The following KCNB2 variants were observed in gnomAD, a reference collection of about 807,000 sequenced individuals.
The protein encoded by KCNB2 is potassium voltage-gated channel subfamily B member 2.
Under a neutral mutation model 61.5 loss-of-function variants are expected in KCNB2, and 15 were observed. The observed-to-expected ratio is 0.24, with a 90% confidence interval of 0.16 to 0.38. KCNB2 has a LOEUF of 0.38. Among genes scored for constraint, KCNB2 ranks in the 10% least tolerant of loss-of-function variants. The probability of loss-of-function intolerance (pLI) is 1.00; values close to 1 mark genes in which losing one functional copy is unlikely to be tolerated. For missense variants in KCNB2, 828 were observed against 1,125.2 expected (o/e 0.74, Z 3.78); for synonymous variants, 457 against 446.0 (o/e 1.02, Z -0.31).
At chr8:72,725,557 G>GTATGTATA (rs1807625235) in intron 2 of KCNB2, among the ~76,000 whole-genome samples, 1 of 55,018 alleles carries the variant, frequency 1.8e-5, no homozygotes, top group African/African-American at 6.0e-5. Flanking sequence ...ATATATATAT[G>GTATGTATA]TATATATGTA....
chr8:72,572,585 T>C (rs577691277), intron 2 of KCNB2, among the ~76,000 whole-genome samples: 2 of 151,374 alleles, frequency 1.3e-5, no homozygotes, highest in African/African-American at 2.4e-5. Flanking sequence ...TCTCTCTCTC[T>C]CTCACACAGA....
chr8:72,605,903 T>C (rs1239492392), intron 2 of KCNB2, among the ~76,000 whole-genome samples: 1 of 151,420 alleles, frequency 6.6e-6, no homozygotes, highest in Non-Finnish European at 1.5e-5. Flanking sequence ...CTTAATATCT[T>C]CAAAACAAGA....
At chr8:72,902,964 C>T (rs1806113545) in intron 2 of KCNB2, among the ~76,000 whole-genome samples, 1 of 152,216 alleles carries the variant, frequency 6.6e-6, no homozygotes, top group African/African-American at 2.4e-5. Flanking sequence ...ATTCAAAGCT[C>T]TTACTGATTT....
chr8:72,684,933 T>G (rs894218936), intron 2 of KCNB2, among the ~76,000 whole-genome samples: 1 of 152,258 alleles, frequency 6.6e-6, no homozygotes, highest in Non-Finnish European at 1.5e-5. Flanking sequence ...TCATCTTTAT[T>G]CCTTTGCACT....
intron 2 of KCNB2, among the ~76,000 whole-genome samples, chr8:72,727,622 A>G (rs1450012357): frequency 6.6e-6 from 1 of 152,200 alleles, no homozygotes; most frequent in East Asian, 1.9e-4. Flanking sequence ...ATAATGGGAA[A>G]GGCTGTGGTT....
intron 2 of KCNB2, among the ~76,000 whole-genome samples, chr8:72,839,955 G>T (rs1809853459): frequency 6.6e-6 from 1 of 151,484 alleles, no homozygotes; most frequent in African/African-American, 2.4e-5. Flanking sequence ...TACATGTGCA[G>T]AACGTGCAGG....
At chr8:72,617,119 G>C (rs1209099803) in intron 2 of KCNB2, among the ~76,000 whole-genome samples, 2 of 152,132 alleles carry the variant, frequency 1.3e-5, no homozygotes, top group Admixed American at 1.3e-4. Flanking sequence ...CCAGGGTCAG[G>C]GGGAAATGGT....
At chr8:72,661,313 C>T (rs2128987326) in intron 2 of KCNB2, 1 of 152,350 alleles carries the variant, frequency 6.6e-6, no homozygotes, top group Admixed American at 6.5e-5. Flanking sequence ...CTGCGCCTTA[C>T]CTCAAATACA....
At chr8:72,718,137 T>C (rs1193505373) in intron 2 of KCNB2, among the ~76,000 whole-genome samples, 1 of 152,100 alleles carries the variant, frequency 6.6e-6, no homozygotes, top group Non-Finnish European at 1.5e-5. Context: ...CCAGTTAGAA[T>C]GGCAATCATT....
chr8:72,843,900 T>C (rs1809939893), intron 2 of KCNB2, among the ~76,000 whole-genome samples: 1 of 152,196 alleles, frequency 6.6e-6, no homozygotes, highest in Non-Finnish European at 1.5e-5. Flanking sequence ...AATTTGCCAG[T>C]CTGTGTCTTT....
intron 2 of KCNB2, among the ~76,000 whole-genome samples, chr8:72,842,894 A>T (rs1185817291): frequency 6.6e-6 from 1 of 152,002 alleles, no homozygotes; most frequent in Non-Finnish European, 1.5e-5. Flanking sequence ...CAGCTCCTGG[A>T]TCCGTTGATT....
At chr8:72,850,637 T>C (rs77805147) in intron 2 of KCNB2, among the ~76,000 whole-genome samples, 25,244 of 152,190 alleles carry the variant, frequency 0.17, 2,330 homozygotes, top group Admixed American at 0.26. Flanking sequence ...TGGAGACTTT[T>C]ATGGGGTGTG....
chr8:72,818,747 G>A (rs1032132110), intron 2 of KCNB2, among the ~76,000 whole-genome samples: 12 of 151,962 alleles, frequency 7.9e-5, no homozygotes, highest in Middle Eastern at 3.2e-3. Flanking sequence ...TCCTCCTGAT[G>A]CCCTCCTTGG....
chr8:72,704,320 T>C (rs1807182238), intron 2 of KCNB2, among the ~76,000 whole-genome samples: 1 of 152,166 alleles, frequency 6.6e-6, no homozygotes, highest in Non-Finnish European at 1.5e-5. Flanking sequence ...TAATGAGTTG[T>C]GTTAGTGTCC....
At chr8:72,934,776 G>T (rs540069859) in intron 2 of KCNB2, among the ~76,000 whole-genome samples, 63 of 152,072 alleles carry the variant, frequency 4.1e-4, no homozygotes, top group African/African-American at 1.4e-3. Context: ...TCTCCACCAA[G>T]AATTGAGTAT....
intron 2 of KCNB2, among the ~76,000 whole-genome samples, chr8:72,837,848 T>C (rs1378046600): frequency 6.6e-6 from 1 of 152,164 alleles, no homozygotes; most frequent in Non-Finnish European, 1.5e-5. Flanking sequence ...AAAAAAATTA[T>C]TTACTAACTA....
intron 1 of KCNB2, among the ~76,000 whole-genome samples, chr8:72,544,677 T>C (rs1340604013): frequency 6.6e-6 from 1 of 152,196 alleles, no homozygotes; most frequent in African/African-American, 2.4e-5. Context: ...TGCTTTTCAA[T>C]GGTGATTGTA....
chr8:72,583,962 AAAAC>A (rs1328605332), intron 2 of KCNB2, among the ~76,000 whole-genome samples: 8 of 149,088 alleles, frequency 5.4e-5, no homozygotes, highest in Non-Finnish European at 5.9e-5. Context: ...AAAAAAAAAA[AAAAC>A]AAACAAAACC....
chr8:72,713,413 T>G (rs865834689), intron 2 of KCNB2, among the ~76,000 whole-genome samples: 2 of 152,190 alleles, frequency 1.3e-5, no homozygotes. Context: ...CACCCCCCAC[T>G]AGGGGCCAAC....
Sources: gnomAD v4.1 joint callset for allele counts (sites outside exome capture counted in the v4.1 genomes callset) on GRCh38, gnomAD v4.1.1 for gene constraint, MANE v1.5 for transcripts, NCBI Gene and HGNC (gene_info 2026-07-23, HGNC 2026-07-21) for gene names.